Variants in ADAMTS17 observed in about 807,000 individuals in gnomAD.
ADAMTS17 encodes A disintegrin and metalloproteinase with thrombospondin motifs 17.
ADAMTS17 carries 113 observed loss-of-function variants against 141.5 expected under a neutral mutation model. The ratio of observed to expected loss-of-function variants is 0.80; its 90% CI spans 0.69 to 0.93. The LOEUF (loss-of-function observed/expected upper bound fraction) is 0.93, where lower values mean the gene tolerates loss of function less well. Among genes scored for constraint, ADAMTS17 ranks in the 40% least tolerant of loss-of-function variants. ADAMTS17 has a pLI of 0.00. For missense variants in ADAMTS17, 1,659 were observed against 1,517.9 expected, an observed-to-expected ratio of 1.09 and a Z score of -1.54; for synonymous variants, 768 against 630.6, an observed-to-expected ratio of 1.22 and a Z score of -3.27.
chr15:100,049,117 C>A lies in ADAMTS17; in HGVS notation c.2456-125G>T. The A allele has an allele frequency of 5.0e-6, 7 of 1,397,194 alleles. No homozygotes were observed. The South Asian group carries it at 7.2e-5, about 14-fold the overall frequency. The allele number at this position is 1,397,194 out of a possible 1,614,324, so 86.5% of individuals were successfully genotyped here. On this transcript the variant is annotated intron_variant, in intron 17 of 21. Coordinates refer to ENST00000268070, the MANE Select transcript of ADAMTS17 (RefSeq NM_139057.4). ...GTCACTTGGTCATTTAAAGTGACTG[C>A]TGTAAATGTCATGTGGGTTTTTAGA...
At chr15:100,336,669 T>C (rs774092208) in intron 2 of ADAMTS17, among the ~76,000 whole-genome samples, 2 of 152,184 alleles carry the variant, frequency 1.3e-5, no homozygotes, top group African/African-American at 2.4e-5. Flanking sequence ...CCACACCATA[T>C]AATTTTTGAC....
chr15:100,222,294 C>T (rs367647959), intron 7 of ADAMTS17, among the ~76,000 whole-genome samples: 2 of 152,166 alleles, frequency 1.3e-5, no homozygotes, highest in Non-Finnish European at 2.9e-5. Flanking sequence ...TCCTGGCATC[C>T]GGCTGTGGAT....
intron 7 of ADAMTS17, among the ~76,000 whole-genome samples, chr15:100,208,122 G>A (rs1474676081): frequency 6.6e-6 from 1 of 152,020 alleles, no homozygotes; most frequent in African/African-American, 2.4e-5. Context: ...GCCTCACCTG[G>A]TACACAGTAG....
At chr15:100,054,857 T>A (rs2032435868) in intron 15 of ADAMTS17, among the ~76,000 whole-genome samples, 1 of 152,188 alleles carries the variant, frequency 6.6e-6, no homozygotes, top group African/African-American at 2.4e-5. Flanking sequence ...GAAACTTGGT[T>A]TTCCACACAA....
chr15:99,998,251 C>G (rs572700936), intron 18 of ADAMTS17, among the ~76,000 whole-genome samples: 1 of 152,156 alleles, frequency 6.6e-6, no homozygotes, highest in Non-Finnish European at 1.5e-5. Context: ...GAGAGTGGCA[C>G]GTTGTGGGCC....
chr15:100,068,694 G>A (rs1352307920), intron 15 of ADAMTS17, among the ~76,000 whole-genome samples: 2 of 152,216 alleles, frequency 1.3e-5, no homozygotes, highest in East Asian at 1.9e-4. Context: ...TGAGGGTCCT[G>A]ACTGTTAGAA....
Position 100,152,745 on chromosome 15 carries a change from C to G in ADAMTS17, c.1340G>C (p.Cys447Ser), listed in dbSNP as rs1429793326. The part of the protein sequence containing the change: ...ENFLKSKVST[C>S]LLVTDPRSQH... ...GCTTCTGGGGTCCGTGACTAGCAAG[C>G]AGGTGCTGACTTTTGACCTGAAACA... is the stretch of plus-strand genomic sequence containing the variant. Residue 447 changes from cysteine (C) to serine (S), a missense_variant, in exon 10 of 22, where the codon TGC (cysteine) becomes TCC (serine). Coordinates refer to ENST00000268070, the MANE Select transcript of ADAMTS17 (RefSeq NM_139057.4). 2.5e-6 allele frequency: 4 copies of G among 1,614,154 alleles called. No homozygotes were observed. Among genetic ancestry groups the G allele is most frequent in the African/African-American group, 1.3e-5 (1 of 75,058 alleles).
chr15:100,116,510 T>TCGC (rs2037139273), intron 13 of ADAMTS17, among the ~76,000 whole-genome samples: 1 of 152,248 alleles, frequency 6.6e-6, no homozygotes, highest in African/African-American at 2.4e-5. Context: ...GATGCCCCTG[T>TCGC]AAAGCTCCTT....
chr15:100,232,713 T>C (rs945786737), intron 7 of ADAMTS17, among the ~76,000 whole-genome samples: 1 of 152,188 alleles, frequency 6.6e-6, no homozygotes, highest in Admixed American at 6.5e-5. Context: ...GTTTCCTGAA[T>C]AGCAGGAGTG....
At chr15:100,112,534 G>C (rs1161159350) in intron 13 of ADAMTS17, among the ~76,000 whole-genome samples, 3 of 152,132 alleles carry the variant, frequency 2.0e-5, no homozygotes, top group Non-Finnish European at 4.4e-5. Context: ...GGTTGCCTTA[G>C]GTGGGAGATT....
At chr15:100,222,727 C>A (rs867531991) in intron 7 of ADAMTS17, among the ~76,000 whole-genome samples, 1 of 152,216 alleles carries the variant, frequency 6.6e-6, no homozygotes, top group African/African-American at 2.4e-5. Context: ...AAATGGCCAA[C>A]GCTCTGCAGT....
Position 100,341,922 on chromosome 15 carries a change from C to T in ADAMTS17, c.-23G>A, listed in dbSNP as rs1238158836. ...CATGGTACCCGGGACCGGCAGCCCC[C>T]CCGGACCGTGGCGGCGAAGCAGGAG... On this transcript the variant is annotated 5_prime_UTR_variant, in exon 1 of 22. Transcript: ENST00000268070. 3 of 1,548,848 alleles carry T rather than the reference C, an allele frequency of 1.9e-6. No individual in the cohort carries two copies. The highest frequency in any genetic ancestry group is 2.4e-5 in the East Asian group (1 of 40,826).
At chr15:100,151,233 G>A (rs1046067138) in intron 10 of ADAMTS17, among the ~76,000 whole-genome samples, 1 of 152,190 alleles carries the variant, frequency 6.6e-6, no homozygotes, top group African/African-American at 2.4e-5. Context: ...GAATGGCAGG[G>A]CAGAAGCAGC....
In ADAMTS17 at chr15:100,041,400, T is replaced by A. The variant is rs572610703; in HGVS notation, c.2591+7457A>T. Among the ~76,000 whole-genome samples, 6 of 152,358 alleles carry A rather than the reference T, an allele frequency of 3.9e-5. No homozygotes were observed. In the East Asian group the frequency reaches 1.2e-3, roughly 29 times the overall value. On this transcript the variant is annotated intron_variant, in intron 18 of 21. Coordinates refer to ENST00000268070, the MANE Select transcript of ADAMTS17 (RefSeq NM_139057.4). ...AAGCTCTTAAAGACTGCAAAAATGT[T>A]AAATCTGGTAAAGCACAAGGTCTGT...
At chr15:100,307,070 A>G (rs1567516452) in intron 3 of ADAMTS17, among the ~76,000 whole-genome samples, 1 of 152,226 alleles carries the variant, frequency 6.6e-6, no homozygotes, top group Non-Finnish European at 1.5e-5. Context: ...AAAGATTGAC[A>G]AAATTATCTA....
intron 10 of ADAMTS17, among the ~76,000 whole-genome samples, chr15:100,137,306 C>T (rs2038384706): frequency 6.6e-6 from 1 of 152,154 alleles, no homozygotes. Context: ...GGGGTGGGAG[C>T]TGTGGGAGGC....
chr15:100,061,238 G>A (rs1016061504), intron 15 of ADAMTS17, among the ~76,000 whole-genome samples: 1 of 152,210 alleles, frequency 6.6e-6, no homozygotes, highest in African/African-American at 2.4e-5. Context: ...GTAATTCTGA[G>A]AGGCTCCATG....
intron 8 of ADAMTS17, among the ~76,000 whole-genome samples, chr15:100,184,147 G>A (rs1203307804): frequency 6.6e-6 from 1 of 152,224 alleles, no homozygotes; most frequent in Admixed American, 6.5e-5. Context: ...AGAGTAGCCA[G>A]CTCACTATGT....
chr15:100,230,740 A>G (rs192866830), intron 7 of ADAMTS17, among the ~76,000 whole-genome samples: 53 of 152,328 alleles, frequency 3.5e-4, no homozygotes, highest in African/African-American at 1.2e-3. Context: ...AGGCACCAAT[A>G]GTGGGTAACG....
Sources: allele counts gnomAD v4.1 joint callset (sites outside exome capture counted in the v4.1 genomes callset), GRCh38; gene constraint gnomAD v4.1.1; transcripts MANE v1.5; gene names NCBI Gene and HGNC (gene_info 2026-07-23, HGNC 2026-07-21).